Variants in CREB3L2 observed in about 807,000 individuals in gnomAD.
The protein encoded by CREB3L2 is cAMP responsive element binding protein 3 like 2.
Under a neutral mutation model 57.2 loss-of-function variants are expected in CREB3L2, and 23 were observed. The ratio of observed to expected loss-of-function variants is 0.40; its 90% CI spans 0.29 to 0.57. The LOEUF is 0.57. CREB3L2 is among the 20% of genes least tolerant of loss of function. The pLI, the probability that CREB3L2 is intolerant of heterozygous loss-of-function variation, is 0.42. For missense variants in CREB3L2, 628 were observed against 634.7 expected (o/e 0.99, Z 0.11); for synonymous variants, 268 against 265.1 (o/e 1.01, Z -0.11).
intron 1 of CREB3L2, among the ~76,000 whole-genome samples, chr7:137,979,183 C>T (rs1801666036): frequency 6.6e-6 from 1 of 152,224 alleles, no homozygotes; most frequent in Non-Finnish European, 1.5e-5. Context: ...TCAGGACACA[C>T]AGTGAGGGAA....
chr7:137,919,241 G>A (rs575319416), intron 2 of CREB3L2, among the ~76,000 whole-genome samples: 23 of 150,174 alleles, frequency 1.5e-4, no homozygotes, highest in East Asian at 3.9e-4. Context: ...GTGTGATCTC[G>A]GCTCACTGCA....
chr7:137,932,539 C>A (rs995593766), intron 1 of CREB3L2, among the ~76,000 whole-genome samples: 1 of 152,082 alleles, frequency 6.6e-6, no homozygotes, highest in Non-Finnish European at 1.5e-5. Flanking sequence ...TCAAGGCCAG[C>A]CTGGGCAACA....
intron 2 of CREB3L2, chr7:137,922,440 A>ATATATATATATATATATACG (rs1563253418): frequency 1.8e-3 from 34 of 19,258 alleles, no homozygotes; most frequent in Non-Finnish European, 2.8e-3. Flanking sequence ...ATATATACGT[A>ATATATATATATATATATACG]TATATATATA....
chr7:137,972,331 G>T (rs557298270), intron 1 of CREB3L2, among the ~76,000 whole-genome samples: 1 of 151,948 alleles, frequency 6.6e-6, no homozygotes, highest in Admixed American at 6.6e-5. Context: ...CCAGCTACTT[G>T]GGAGGCTGAG....
At chr7:137,988,921 G>C (rs1281461779) in intron 1 of CREB3L2, among the ~76,000 whole-genome samples, 1 of 146,584 alleles carries the variant, frequency 6.8e-6, no homozygotes, top group Non-Finnish European at 1.5e-5. Context: ...TAGCAAGAAA[G>C]GAAGAGAAAG....
At chr7:137,971,626 A>G (rs1005922987) in intron 1 of CREB3L2, among the ~76,000 whole-genome samples, 4 of 152,030 alleles carry the variant, frequency 2.6e-5, no homozygotes, top group African/African-American at 9.7e-5. Flanking sequence ...TCCCCATTGT[A>G]AATAACCTTA....
intron 1 of CREB3L2, among the ~76,000 whole-genome samples, chr7:137,993,316 G>A (rs1043168320): frequency 1.3e-5 from 2 of 152,094 alleles, no homozygotes; most frequent in Non-Finnish European, 2.9e-5. Context: ...AAAATGGCCT[G>A]CCTTGAAAGC....
At chr7:137,915,261 A>T (rs1800102941) in intron 3 of CREB3L2, among the ~76,000 whole-genome samples, 3 of 152,114 alleles carry the variant, frequency 2.0e-5, no homozygotes, top group African/African-American at 7.2e-5. Context: ...TAAGGAAAAA[A>T]TCCTGATTTC....
intron 1 of CREB3L2, chr7:137,953,460 G>T (rs773215342): frequency 8.5e-6 from 11 of 1,288,722 alleles, no homozygotes; most frequent in Non-Finnish European, 1.1e-5. Flanking sequence ...TGCTGTTGGT[G>T]TATGTTAAAT....
intron 1 of CREB3L2, among the ~76,000 whole-genome samples, chr7:137,987,276 C>T (rs976719718): frequency 3.9e-5 from 6 of 152,170 alleles, no homozygotes; most frequent in Non-Finnish European, 8.8e-5. Flanking sequence ...CATCTACTGC[C>T]TAAGTCATCT....
In CREB3L2 at chr7:137,908,257, G is replaced by GAGCC. The variant is rs1688748458; in HGVS notation, c.759_762dup (p.Pro255GlyfsTer4). On this transcript the variant is annotated frameshift_variant, in exon 5 of 12. Transcript: ENST00000330387. LOFTEE classifies it high-confidence loss of function. ...AATGCCCGCTGCATACTTACATGAGGAGCCGTGAGGAGAGGGGAGCTGGAG... is the reference window on the plus strand; with the variant it reads ...AATGCCCGCTGCATACTTACATGAGGAGCCAGCCGTGAGGAGAGGGGAGCTGGAG... 1 of 1,257,442 alleles carries GAGCC rather than the reference G, an allele frequency of 8.0e-7. No homozygotes were observed. The highest frequency in any genetic ancestry group is 1.5e-5 in the African/African-American group (1 of 65,576). 77.9% of individuals were successfully genotyped at this position (1,257,442 alleles called of 1,614,324 possible).
chr7:137,881,857 T>C (rs1253733809), intron 11 of CREB3L2, among the ~76,000 whole-genome samples: 2 of 152,092 alleles, frequency 1.3e-5, no homozygotes, highest in African/African-American at 4.8e-5. Context: ...CAAATAGAGG[T>C]TGTTCTCAAT....
chr7:137,941,399 G>T (rs917173796), intron 1 of CREB3L2, among the ~76,000 whole-genome samples: 3 of 152,190 alleles, frequency 2.0e-5, no homozygotes, highest in African/African-American at 7.2e-5. Context: ...CTCCATCGTG[G>T]CCAGCCAGTT....
At chr7:137,906,916 C>T (rs1451315974) in intron 5 of CREB3L2, among the ~76,000 whole-genome samples, 1 of 152,226 alleles carries the variant, frequency 6.6e-6, no homozygotes, top group Admixed American at 6.5e-5. Flanking sequence ...TCCAATTAAA[C>T]CTCTTTCTCT....
chr7:137,929,184 A>G (rs1381616756), intron 1 of CREB3L2, among the ~76,000 whole-genome samples: 1 of 152,156 alleles, frequency 6.6e-6, no homozygotes, highest in Non-Finnish European at 1.5e-5. Flanking sequence ...TTTGGACATA[A>G]TATAGGACTA....
intron 1 of CREB3L2, among the ~76,000 whole-genome samples, chr7:137,965,651 A>G (rs936942156): frequency 6.6e-6 from 1 of 152,182 alleles, no homozygotes; most frequent in African/African-American, 2.4e-5. Flanking sequence ...AAGCAAGGAC[A>G]TAGAAAGCCC....
At chr7:137,922,642 T>C (rs1334812015) in intron 2 of CREB3L2, 1 of 450,202 alleles carries the variant, frequency 2.2e-6, no homozygotes, top group Non-Finnish European at 4.5e-6. Flanking sequence ...TTTTGAACCA[T>C]GCGGGTCCAC....
At chr7:137,939,990 C>G (rs952506963) in intron 1 of CREB3L2, among the ~76,000 whole-genome samples, 2 of 152,216 alleles carry the variant, frequency 1.3e-5, no homozygotes, top group African/African-American at 4.8e-5. Context: ...TTTCTTACTA[C>G]CCAGTTAAAT....
At chr7:137,961,381 T>A (rs901080270) in intron 1 of CREB3L2, among the ~76,000 whole-genome samples, 1 of 152,132 alleles carries the variant, frequency 6.6e-6, no homozygotes, top group Non-Finnish European at 1.5e-5. Context: ...GCCCTCCCCC[T>A]GCACAGTCAA....
Sources: gnomAD v4.1 joint callset for allele counts (sites outside exome capture counted in the v4.1 genomes callset) on GRCh38, gnomAD v4.1.1 for gene constraint, MANE v1.5 for transcripts, NCBI Gene and HGNC (gene_info 2026-07-23, HGNC 2026-07-21) for gene names.